The following TBC1D12 variants were observed in gnomAD, a reference collection of about 807,000 sequenced individuals.
The protein encoded by TBC1D12 is TBC1 domain family member 12.
In TBC1D12, 56 loss-of-function variants were observed where a neutral mutation model predicts 86.7. The observed-to-expected ratio is 0.65, with a 90% CI of 0.52 to 0.81. TBC1D12 has a LOEUF of 0.81. Among genes scored for constraint, TBC1D12 ranks in the 30% least tolerant of loss-of-function variants. The probability of loss-of-function intolerance (pLI) is 0.00; values close to 1 mark genes in which losing one functional copy is unlikely to be tolerated. For missense variants in TBC1D12, 1,023 were observed against 1,038.8 expected (o/e 0.98, Z 0.21); for synonymous variants, 421 against 411.7 (o/e 1.02, Z -0.27).
intron 9 of TBC1D12, among the ~76,000 whole-genome samples, chr10:94,513,600 G>C (rs1314753769): frequency 6.6e-6 from 1 of 151,848 alleles, no homozygotes; most frequent in African/African-American, 2.4e-5. Context: ...CTGTCACCCA[G>C]GCTAGAGTAC....
At chr10:94,463,452 A>G (rs994687657) in intron 2 of TBC1D12, among the ~76,000 whole-genome samples, 2 of 152,140 alleles carry the variant, frequency 1.3e-5, no homozygotes, top group Non-Finnish European at 2.9e-5. Context: ...TCCTTTTCTT[A>G]TAAAGCTACC....
chr10:94,480,736 G>A (rs2056066123), intron 3 of TBC1D12, among the ~76,000 whole-genome samples: 2 of 150,830 alleles, frequency 1.3e-5, no homozygotes, highest in African/African-American at 4.9e-5. Context: ...AATTAGCCAG[G>A]TGTGGTGGCA....
chr10:94,403,624 G>A (rs369659736), intron 1 of TBC1D12, 40 bp downstream of exon 1: 4 of 1,412,404 alleles, frequency 2.8e-6, no homozygotes, highest in Non-Finnish European at 3.7e-6. Flanking sequence ...CGGGTCCGGG[G>A]CCGGGGCCGG....
chr10:94,462,311 T>A (rs1475476028), intron 2 of TBC1D12, among the ~76,000 whole-genome samples: 2 of 152,210 alleles, frequency 1.3e-5, no homozygotes, highest in African/African-American at 4.8e-5. Context: ...CATGTAAATA[T>A]TACATAGTAC....
At chr10:94,482,824 A>C (rs2056097264) in intron 3 of TBC1D12, among the ~76,000 whole-genome samples, 1 of 152,052 alleles carries the variant, frequency 6.6e-6, no homozygotes, top group Non-Finnish European at 1.5e-5. Context: ...TCCCAGCCTT[A>C]GGTAACCATG....
At chr10:94,519,571 A>G (rs1564989427) in intron 9 of TBC1D12, among the ~76,000 whole-genome samples, 4 of 152,274 alleles carry the variant, frequency 2.6e-5, no homozygotes, top group East Asian at 3.9e-4. Context: ...AACAACACAA[A>G]GTTACTGTTT....
At chr10:94,430,334 G>A (rs1228947373) in intron 1 of TBC1D12, among the ~76,000 whole-genome samples, 11 of 152,198 alleles carry the variant, frequency 7.2e-5, no homozygotes, top group Admixed American at 7.2e-4. Context: ...GCAGTAAGAA[G>A]ATTCAGGATT....
chr10:94,450,511 A>G (rs190736550), intron 2 of TBC1D12, among the ~76,000 whole-genome samples: 1 of 152,242 alleles, frequency 6.6e-6, no homozygotes, highest in East Asian at 1.9e-4. Context: ...GTGAAGGCTC[A>G]TTAGCCACGA....
At chr10:94,415,140 G>A (rs1589600927) in intron 1 of TBC1D12, among the ~76,000 whole-genome samples, 2 of 152,050 alleles carry the variant, frequency 1.3e-5, no homozygotes, top group East Asian at 3.8e-4. Flanking sequence ...AAAAATTCAT[G>A]GTTCATTACC....
chr10:94,477,341 CA>C (rs201615493), intron 3 of TBC1D12, among the ~76,000 whole-genome samples: 58 of 152,316 alleles, frequency 3.8e-4, no homozygotes, highest in Non-Finnish European at 7.9e-4. Flanking sequence ...AACAAACCAA[CA>C]AAGTGTCTTC....
Position 94,441,880 on chromosome 10 carries a change from CT to C in TBC1D12, c.972-12del. 6.2e-7 allele frequency: 1 copy of C among 1,605,984 alleles called. No individual in the cohort carries two copies. Among genetic ancestry groups the C allele is most frequent in the Non-Finnish European group, 8.5e-7 (1 of 1,176,938 alleles). ...GTTACAAAAAACACAATTCATGTAA[CT>C]TTTCTGTGTTTCAGAAACCTTTTTC... On this transcript the variant is annotated splice_polypyrimidine_tract_variant and intron_variant, in intron 1 of 12. Transcript: ENST00000225235.
intron 11 of TBC1D12, among the ~76,000 whole-genome samples, chr10:94,525,360 C>G (rs1215775347): frequency 6.6e-6 from 1 of 152,016 alleles, no homozygotes; most frequent in Admixed American, 6.6e-5. Flanking sequence ...GCCTGTAATC[C>G]TAGCACTTTG....
intron 1 of TBC1D12, among the ~76,000 whole-genome samples, chr10:94,413,145 A>G (rs1349887159): frequency 6.6e-6 from 1 of 152,218 alleles, no homozygotes; most frequent in Admixed American, 6.5e-5. Flanking sequence ...TTCAGGTACT[A>G]TGTAATTGAT....
intron 3 of TBC1D12, among the ~76,000 whole-genome samples, chr10:94,477,649 G>A (rs1323065242): frequency 6.6e-5 from 10 of 152,180 alleles, no homozygotes; most frequent in Non-Finnish European, 1.5e-4. Flanking sequence ...GGTTTCTTCT[G>A]TTTATGGATG....
chr10:94,437,979 A>T, intron 1 of TBC1D12, among the ~76,000 whole-genome samples: 3 of 78,782 alleles, frequency 3.8e-5, no homozygotes, highest in African/African-American at 9.8e-5. Flanking sequence ...TTTCTTTTTC[A>T]ATCTCCTGGA....
intron 8 of TBC1D12, among the ~76,000 whole-genome samples, chr10:94,510,691 T>C (rs1162104434): frequency 6.6e-6 from 1 of 152,192 alleles, no homozygotes; most frequent in Non-Finnish European, 1.5e-5. Flanking sequence ...AAATTTGAGA[T>C]CAGGTCTTGC....
At position 94,403,349 on chromosome 10, in the gene TBC1D12, G is replaced by T; in HGVS notation, c.736G>T (p.Gly246Cys). ...RGVGAGGPEE[G>C]APPATSAERT... Reference sequence around the variant, plus strand: ...AGTCGGCGCCGGGGGTCCCGAGGAGGGCGCGCCCCCTGCCACCTCGGCCGA... The same window carrying T: ...AGTCGGCGCCGGGGGTCCCGAGGAGTGCGCGCCCCCTGCCACCTCGGCCGA... The change falls in exon 1 of 13, where the codon GGC becomes TGC. Residue 246 changes from glycine (G) to cysteine (C), a missense_variant. Coordinates refer to ENST00000225235, the MANE Select transcript of TBC1D12 (RefSeq NM_015188.2). 2 of 1,524,746 alleles carry T rather than the reference G, an allele frequency of 1.3e-6. No individual in the cohort carries two copies. The highest frequency in any genetic ancestry group is 1.8e-6 in the Non-Finnish European group (2 of 1,136,832). The allele number at this position is 1,524,746 out of a possible 1,614,324, so 94.5% of individuals were successfully genotyped here. A position where few individuals can be genotyped will look rare whatever the true frequency, so the allele number is the denominator to read the frequency against.
intron 2 of TBC1D12, among the ~76,000 whole-genome samples, chr10:94,461,642 C>G (rs1018909822): frequency 2.0e-5 from 3 of 151,972 alleles, no homozygotes; most frequent in Admixed American, 6.6e-5. Flanking sequence ...CTGCCTACCC[C>G]CTGGAGTTCT....
chr10:94,425,938 G>A (rs1401907382), intron 1 of TBC1D12, among the ~76,000 whole-genome samples: 1 of 151,820 alleles, frequency 6.6e-6, no homozygotes, highest in Non-Finnish European at 1.5e-5. Context: ...TATTATAAAT[G>A]ATACTTCTTA....
Sources: allele counts gnomAD v4.1 joint callset (sites outside exome capture counted in the v4.1 genomes callset), GRCh38; gene constraint gnomAD v4.1.1; transcripts MANE v1.5; gene names NCBI Gene and HGNC (gene_info 2026-07-23, HGNC 2026-07-21).